The following TBC1D8 variants were observed in gnomAD, a reference collection of about 807,000 sequenced individuals.
The protein encoded by TBC1D8 is BUB2-like protein 1.
Under a neutral mutation model 118.8 loss-of-function variants are expected in TBC1D8, and 65 were observed. That is an observed-to-expected ratio of 0.55 (90% CI 0.45 to 0.67). The LOEUF (loss-of-function observed/expected upper bound fraction) is 0.67, where lower values mean the gene tolerates loss of function less well. Ranked by LOEUF, TBC1D8 falls within the 30% of genes least tolerant of loss-of-function variation. TBC1D8 has a pLI of 0.00. For missense variants in TBC1D8, 1,376 were observed against 1,471.2 expected, an observed-to-expected ratio of 0.94 and a Z score of 1.06; for synonymous variants, 566 against 595.8, an observed-to-expected ratio of 0.95 and a Z score of 0.73.
Position 101,120,931 on chromosome 2 carries a change from A to G in TBC1D8, c.127+30196T>C, listed in dbSNP as rs1678069975. On this transcript the variant is annotated intron_variant, in intron 1 of 19. Transcript: ENST00000409318. The stretch of plus-strand genomic sequence containing the variant: ...ACCTGAAAGCTGAGAGCTGATCCCT[A>G]CACTACAGCTGGATGTGTAGCAATC... 2.0e-5 allele frequency among the ~76,000 whole-genome samples: 3 copies of G among 152,226 alleles called. No individual in the cohort carries two copies. In the South Asian group the frequency reaches 6.2e-4, roughly 32 times the overall value.
chr2:101,098,555 T>G (rs1256065469), intron 1 of TBC1D8, among the ~76,000 whole-genome samples: 1 of 152,126 alleles, frequency 6.6e-6, no homozygotes, highest in African/African-American at 2.4e-5. Flanking sequence ...AAATCAACAG[T>G]GTATACATTC....
chr2:101,066,501 A>T (rs569207674), intron 2 of TBC1D8, among the ~76,000 whole-genome samples: 1 of 152,318 alleles, frequency 6.6e-6, no homozygotes, highest in East Asian at 1.9e-4. Flanking sequence ...TGGGTTATTA[A>T]AATAATTACA....
At chr2:101,132,673 C>T (rs1050564148) in intron 1 of TBC1D8, among the ~76,000 whole-genome samples, 4 of 152,124 alleles carry the variant, frequency 2.6e-5, no homozygotes, top group East Asian at 1.9e-4. Context: ...ACTGCAGCCT[C>T]GACCTCTTCG....
chr2:101,008,188 G>A lies in TBC1D8; in HGVS notation c.3101C>T (p.Thr1034Ile). The stretch of plus-strand genomic sequence containing the variant: ...GATCTGCAGCAGCAGTGTGGTGACT[G>A]TGGCGATGGCTTGATACAAATCATT... ...EENDLYQAIA[T>I]VTTLLLQIGE... Residue 1034 changes from threonine to isoleucine, a missense_variant, in exon 20 of 20, where the codon ACA becomes ATA. Transcript: ENST00000409318. 1 of 1,613,102 alleles carries A rather than the reference G, an allele frequency of 6.2e-7. No homozygotes were observed.
chr2:101,083,344 G>A (rs1006051406), intron 2 of TBC1D8, among the ~76,000 whole-genome samples: 3 of 152,154 alleles, frequency 2.0e-5, no homozygotes, highest in Non-Finnish European at 4.4e-5. Context: ...TGAGTGCCAG[G>A]ATGGAGGACG....
chr2:101,007,861 C>CT lies in TBC1D8; in HGVS notation c.3427dup (p.Ser1143LysfsTer7). The CT allele has an allele frequency of 6.2e-7, 1 of 1,612,274 alleles. No individual in the cohort carries two copies. Among genetic ancestry groups the CT allele is most frequent in the Non-Finnish European group, 8.5e-7 (1 of 1,179,888 alleles). ...CTTAAGTTCAGATTGTGATTGGTGG[C>CT]TCATTTCAAAAGTTTTGAGATTGTA... On this transcript the variant is annotated frameshift_variant, in exon 20 of 20. Transcript: ENST00000409318. LOFTEE classifies it high-confidence loss of function.
At chr2:101,147,377 T>C (rs1342834068) in intron 1 of TBC1D8, among the ~76,000 whole-genome samples, 1 of 152,216 alleles carries the variant, frequency 6.6e-6, no homozygotes, top group Non-Finnish European at 1.5e-5. Context: ...TTTCAGTTTT[T>C]TGAAGACCCT....
chr2:101,053,765 G>A (rs1382418309), intron 4 of TBC1D8, among the ~76,000 whole-genome samples: 1 of 152,196 alleles, frequency 6.6e-6, no homozygotes, highest in African/African-American at 2.4e-5. Context: ...TTTTTTTAAT[G>A]GCCTGCTTTG....
intron 1 of TBC1D8, among the ~76,000 whole-genome samples, chr2:101,148,050 G>A (rs137990278): frequency 1.3e-5 from 2 of 152,206 alleles, no homozygotes; most frequent in Admixed American, 1.3e-4. Context: ...GAGCCCAGGA[G>A]CTAACAATGG....
intron 1 of TBC1D8, among the ~76,000 whole-genome samples, chr2:101,094,805 T>C (rs1676282979): frequency 6.6e-6 from 1 of 152,180 alleles, no homozygotes; most frequent in Non-Finnish European, 1.5e-5. Flanking sequence ...ATCACTCCCA[T>C]ATATATGACA....
intron 11 of TBC1D8, among the ~76,000 whole-genome samples, chr2:101,030,381 G>A (rs1680599593): frequency 1.3e-5 from 2 of 152,158 alleles, no homozygotes; most frequent in South Asian, 4.1e-4. Flanking sequence ...ACACTCAGAA[G>A]AGCCAATAAA....
intron 11 of TBC1D8, 70 bp downstream of exon 11, chr2:101,032,198 T>G: frequency 5.9e-5 from 83 of 1,400,036 alleles, no homozygotes; most frequent in Middle Eastern, 1.8e-4. Flanking sequence ...ACAGGACTGA[T>G]GAGAAACATC....
At chr2:101,033,302 A>T (rs1241036719) in intron 10 of TBC1D8, 1 of 562,890 alleles carries the variant, frequency 1.8e-6, no homozygotes, top group African/African-American at 1.9e-5. Flanking sequence ...TTTTTAGTAG[A>T]TGGGGTTTCA....
chr2:101,044,610 G>A (rs972698956), intron 5 of TBC1D8, among the ~76,000 whole-genome samples: 17 of 152,124 alleles, frequency 1.1e-4, no homozygotes, highest in Admixed American at 7.9e-4. Flanking sequence ...GTAGGTCACC[G>A]CAGAAGCACC....
At chr2:101,123,286 G>A (rs1678207834) in intron 1 of TBC1D8, among the ~76,000 whole-genome samples, 1 of 152,136 alleles carries the variant, frequency 6.6e-6, no homozygotes, top group African/African-American at 2.4e-5. Context: ...AGCCAACAGG[G>A]ATAATTGGAC....
chr2:101,087,231 C>G (rs1675696067), intron 2 of TBC1D8, among the ~76,000 whole-genome samples: 1 of 152,152 alleles, frequency 6.6e-6, no homozygotes, highest in Non-Finnish European at 1.5e-5. Context: ...AAGTGTCACT[C>G]AAGTCCAGAA....
At chr2:101,008,894 G>C (rs1291681156) in intron 19 of TBC1D8, among the ~76,000 whole-genome samples, 1 of 152,150 alleles carries the variant, frequency 6.6e-6, no homozygotes, top group Non-Finnish European at 1.5e-5. Flanking sequence ...GGAAAATGCT[G>C]GAAACAGCTG....
chr2:101,145,705 G>A (rs1054142525), intron 1 of TBC1D8, among the ~76,000 whole-genome samples: 7 of 152,182 alleles, frequency 4.6e-5, no homozygotes, highest in Admixed American at 3.9e-4. Context: ...GTGATTCACT[G>A]GAGGCACAGC....
At chr2:101,080,867 C>G (rs1256052581) in intron 2 of TBC1D8, among the ~76,000 whole-genome samples, 1 of 151,968 alleles carries the variant, frequency 6.6e-6, no homozygotes, top group East Asian at 1.9e-4. Context: ...ACTGCAGTCT[C>G]AACTTTCCAG....
Sources: gnomAD v4.1 joint callset for allele counts (sites outside exome capture counted in the v4.1 genomes callset) on GRCh38, gnomAD v4.1.1 for gene constraint, MANE v1.5 for transcripts, NCBI Gene and HGNC (gene_info 2026-07-23, HGNC 2026-07-21) for gene names.